The following RBM33 variants were observed in gnomAD, a reference collection of about 807,000 sequenced individuals.
RBM33 encodes the protein RNA binding motif protein 33, also known as RNA-binding protein 33.
RBM33 carries 28 observed loss-of-function variants against 132.6 expected under a neutral mutation model. That is an observed-to-expected ratio of 0.21 (90% confidence interval 0.16 to 0.29). The LOEUF (loss-of-function observed/expected upper bound fraction) is 0.29, where lower values mean the gene tolerates loss of function less well. Ranked by LOEUF, RBM33 falls within the 10% of genes least tolerant of loss-of-function variation. The pLI is 1.00. For missense variants in RBM33, 1,291 were observed against 1,518.5 expected (o/e 0.85, Z 2.49); for synonymous variants, 634 against 593.0 (o/e 1.07, Z -1.01).
chr7:155,659,527 A>T (rs938675358), intron 1 of RBM33, among the ~76,000 whole-genome samples: 16 of 152,240 alleles, frequency 1.1e-4, no homozygotes, highest in African/African-American at 3.6e-4. Flanking sequence ...AGGTCAATTG[A>T]GATGATCCCA....
chr7:155,712,632 A>G (rs958532043), intron 8 of RBM33, among the ~76,000 whole-genome samples: 3 of 152,214 alleles, frequency 2.0e-5, no homozygotes, highest in Admixed American at 6.5e-5. Context: ...TAAGTTAGCA[A>G]TGTGGCTGTT....
chr7:155,652,159 A>G (rs1798372885), intron 1 of RBM33, among the ~76,000 whole-genome samples: 1 of 152,230 alleles, frequency 6.6e-6, no homozygotes, highest in African/African-American at 2.4e-5. Flanking sequence ...AACATATTAT[A>G]CATGAGTGTG....
Position 155,745,763 on chromosome 7 carries a change from G to GGGCCGGGCGTGGTGGCTC in RBM33, c.2979+161_2979+162insGGCCGGGCGTGGTGGCTC. 1.4e-6 allele frequency: 1 copy of GGGCCGGGCGTGGTGGCTC among 707,374 alleles called. No homozygotes were observed. The highest frequency in any genetic ancestry group is 2.3e-6 in the Non-Finnish European group (1 of 432,992). The allele number at this position is 707,374 out of a possible 1,614,324, so 43.8% of individuals were successfully genotyped here. A position where few individuals can be genotyped will look rare whatever the true frequency, so the allele number is the denominator to read the frequency against. On this transcript the variant is annotated intron_variant, in intron 14 of 17. Coordinates refer to ENST00000401878, the MANE Select transcript of RBM33 (RefSeq NM_053043.3). This position sits in a 1 kb window ranked among gnomAD's most constrained non-coding sequence, Gnocchi z 4.1. ...GAAGTTGGTATAAGAATTGCCGCTTGACGACAGGCATACATTCTCAGAAAT... is the reference window on the plus strand; with the variant it reads ...GAAGTTGGTATAAGAATTGCCGCTTGGGCCGGGCGTGGTGGCTCACGACAGGCATACATTCTCAGAAAT...
chr7:155,759,575 GC>G, intron 14 of RBM33, among the ~76,000 whole-genome samples: 1 of 151,716 alleles, frequency 6.6e-6, no homozygotes, highest in East Asian at 1.9e-4. Flanking sequence ...CCGCCACCGC[GC>G]CCGGCTAATT....
intron 14 of RBM33, among the ~76,000 whole-genome samples, chr7:155,750,510 G>A (rs1431584205): frequency 4.6e-5 from 7 of 152,140 alleles, no homozygotes; most frequent in Non-Finnish European, 8.8e-5. Flanking sequence ...AGTCTTTGAA[G>A]TGTTTGCATC....
Position 155,729,748 on chromosome 7 carries a change from A to C in RBM33, c.1261-7782A>C, listed in dbSNP as rs941550275. Among the ~76,000 whole-genome samples, 67 of 151,668 alleles carry C rather than the reference A, an allele frequency of 4.4e-4. 2 individuals carry two copies. The highest frequency in any genetic ancestry group is 3.0e-3 in the Admixed American group (46 of 15,242). ...CAAGACCCTGTCTCTTTAACAAAAA[A>C]AAAAAAAAAAAAATTCTGTCATACA... On this transcript the variant is annotated intron_variant, in intron 9 of 17. Coordinates refer to ENST00000401878, the MANE Select transcript of RBM33 (RefSeq NM_053043.3).
chr7:155,681,015 A>T, intron 5 of RBM33, 107 bp downstream of exon 5: 1 of 847,638 alleles, frequency 1.2e-6, no homozygotes. Context: ...AGGGGAAATT[A>T]GACCTTATTA....
chr7:155,711,902 T>G (rs1343315636), intron 8 of RBM33, among the ~76,000 whole-genome samples: 3 of 152,276 alleles, frequency 2.0e-5, no homozygotes, highest in Admixed American at 2.0e-4. Context: ...TTTATTGCAC[T>G]GAAGCCGTCT....
At chr7:155,765,637 C>T (rs960043914) in intron 15 of RBM33, among the ~76,000 whole-genome samples, 3 of 152,192 alleles carry the variant, frequency 2.0e-5, no homozygotes, top group African/African-American at 7.2e-5. Context: ...CGTCCATCAC[C>T]ACCCTGCCTT....
intron 2 of RBM33, among the ~76,000 whole-genome samples, chr7:155,669,042 CTCT>C (rs1798874876): frequency 6.6e-6 from 1 of 152,110 alleles, no homozygotes; most frequent in African/African-American, 2.4e-5. Flanking sequence ...TGTGAACGAG[CTCT>C]TTTTTTTACT....
At chr7:155,772,437 A>C (rs1358946103) in intron 16 of RBM33, among the ~76,000 whole-genome samples, 1 of 152,194 alleles carries the variant, frequency 6.6e-6, no homozygotes, top group African/African-American at 2.4e-5. Context: ...CTAATACACA[A>C]AAGGGGTGCA....
chr7:155,735,947 G>C (rs918901284), intron 9 of RBM33, among the ~76,000 whole-genome samples: 1 of 152,034 alleles, frequency 6.6e-6, no homozygotes, highest in African/African-American at 2.4e-5. Flanking sequence ...AGTATGCTGT[G>C]GATTTCCTTG....
chr7:155,644,872 G>C lies in RBM33; in HGVS notation c.-5G>C, dbSNP rs962847074. ...GGAGGCTGAAGGCCGGGCCCCGCGA[G>C]TGCCATGGCGGCCGCCCTGGGAGCG... On this transcript the variant is annotated 5_prime_UTR_variant, in exon 1 of 18. Transcript: ENST00000401878. 2.7e-6 allele frequency: 4 copies of C among 1,492,398 alleles called. No individual in the cohort carries two copies. Among genetic ancestry groups the C allele is most frequent in the Non-Finnish European group, 2.7e-6 (3 of 1,127,032 alleles). 92.4% of individuals were successfully genotyped at this position (1,492,398 alleles called of 1,614,324 possible).
intron 14 of RBM33, among the ~76,000 whole-genome samples, chr7:155,748,245 C>G (rs1801581334): frequency 6.6e-6 from 1 of 152,200 alleles, no homozygotes; most frequent in South Asian, 2.1e-4. Flanking sequence ...ATACTATATC[C>G]TAACCTAAAT....
At chr7:155,672,613 G>A (rs539693594) in intron 2 of RBM33, among the ~76,000 whole-genome samples, 3 of 152,024 alleles carry the variant, frequency 2.0e-5, no homozygotes, top group South Asian at 4.2e-4. Context: ...AAAATTAGCC[G>A]GGCATAATGT....
chr7:155,666,506 A>G (rs896175798), intron 2 of RBM33, among the ~76,000 whole-genome samples: 7 of 152,336 alleles, frequency 4.6e-5, no homozygotes, highest in African/African-American at 1.7e-4. Flanking sequence ...CTGTCGCACA[A>G]AATCAGCCAG....
rs764037437 is a variant in RBM33 at position 155,711,475 on chromosome 7, A to G, written c.1201+20A>G. 2.1e-5 allele frequency: 29 copies of G among 1,370,546 alleles called. No individual in the cohort carries two copies. Among genetic ancestry groups the G allele is most frequent in the Non-Finnish European group, 2.4e-5 (25 of 1,047,142 alleles). The allele number at this position is 1,370,546 out of a possible 1,614,324, so 84.9% of individuals were successfully genotyped here. A position where few individuals can be genotyped will look rare whatever the true frequency, so the allele number is the denominator to read the frequency against. ...TTCAAGGTCTGTGTTTCCTTTTACT[A>G]TTGTAAAGCATAGATGGCCCCAGCT... On this transcript the variant is annotated intron_variant, in intron 8 of 17. Coordinates refer to ENST00000401878, the MANE Select transcript of RBM33 (RefSeq NM_053043.3).
At chr7:155,655,748 A>G (rs1005236152) in intron 1 of RBM33, among the ~76,000 whole-genome samples, 6 of 152,022 alleles carry the variant, frequency 3.9e-5, no homozygotes, top group Admixed American at 2.0e-4. Flanking sequence ...GAAGTATAAC[A>G]GTTGTCTTCA....
intron 16 of RBM33, among the ~76,000 whole-genome samples, chr7:155,773,480 A>T (rs971975641): frequency 6.7e-6 from 1 of 149,778 alleles, no homozygotes; most frequent in Non-Finnish European, 1.5e-5. Flanking sequence ...AGGTAGGAGA[A>T]TCACTTGAAC....
Sources: gnomAD v4.1 joint callset for allele counts (sites outside exome capture counted in the v4.1 genomes callset) on GRCh38, gnomAD v4.1.1 for gene constraint, Gnocchi (gnomAD v3.1) non-coding constraint, MANE v1.5 for transcripts, NCBI Gene and HGNC (gene_info 2026-07-23, HGNC 2026-07-21) for gene names.